Variants in TVP23B observed in about 807,000 individuals in gnomAD.
TVP23B encodes the protein trans-golgi network vesicle protein 23 homolog B, also known as Golgi apparatus membrane protein TVP23 homolog B.
TVP23B carries 10 observed loss-of-function variants against 30.6 expected under a neutral mutation model. The observed-to-expected ratio is 0.33, with a 90% CI of 0.20 to 0.55. The LOEUF is 0.55. TVP23B is among the 20% of genes least tolerant of loss of function. TVP23B has a pLI of 0.91. For missense variants in TVP23B, 153 were observed against 243.2 expected (o/e 0.63, Z 2.47); for synonymous variants, 67 against 83.1 (o/e 0.81, Z 1.06).
chr17:18,798,625 T>C (rs2036111337), intron 4 of TVP23B, among the ~76,000 whole-genome samples, 187 bp from the exon 5 acceptor site: 1 of 152,182 alleles, frequency 6.6e-6, no homozygotes, highest in Admixed American at 6.5e-5. Context: ...TGCAAAATTC[T>C]TGAGTTAATA....
intron 1 of TVP23B, 197 bp downstream of exon 1, chr17:18,781,502 C>G: frequency 2.0e-6 from 2 of 997,324 alleles, no homozygotes; most frequent in Non-Finnish European, 2.8e-6. Context: ...CGGCGTGACC[C>G]GTGCGGCGCA....
Position 18,797,598 on chromosome 17 carries a change from T to C in TVP23B, c.260T>C (p.Met87Thr). The C allele has an allele frequency of 1.2e-6, 2 of 1,610,070 alleles. No homozygotes were observed. The highest frequency in any genetic ancestry group is 1.1e-5 in the South Asian group (1 of 90,228). ...WAVKNVTGRL[M>T]VGLRWWNHID... ...CACCAGAATGTCACAGGTAGACTAATGGTTGGCCTACGTTGGTGGAATCAC... is the reference window on the plus strand; with the variant it reads ...CACCAGAATGTCACAGGTAGACTAACGGTTGGCCTACGTTGGTGGAATCAC... Residue 87 changes from methionine (M) to threonine (T), a missense_variant, in exon 4 of 7, where the codon ATG (methionine) becomes ACG (threonine). By Grantham distance (81) the Met-to-Thr change is moderately conservative. Coordinates refer to ENST00000307767, the MANE Select transcript of TVP23B (RefSeq NM_016078.6).
intron 3 of TVP23B, among the ~76,000 whole-genome samples, 155 bp downstream of exon 3, chr17:18,791,195 T>G (rs2035988688): frequency 2.1e-5 from 3 of 144,504 alleles, no homozygotes; most frequent in African/African-American, 7.7e-5. Context: ...TAGTTTTTTT[T>G]TTTTTTTTTT....
At chr17:18,781,628 C>G in intron 1 of TVP23B, 1 of 400,042 alleles carries the variant, frequency 2.5e-6, no homozygotes, top group Non-Finnish European at 4.5e-6. Context: ...GCCTGCGGGC[C>G]TCTTAGCTTC....
intron 5 of TVP23B, among the ~76,000 whole-genome samples, chr17:18,803,537 T>C (rs1268005870): frequency 6.6e-6 from 1 of 152,206 alleles, no homozygotes; most frequent in Non-Finnish European, 1.5e-5. Context: ...GGGATGACCA[T>C]AGGTGAGAAA....
chr17:18,789,472 C>G (rs781376677), intron 2 of TVP23B, 37 bp downstream of exon 2: 1 of 1,613,828 alleles, frequency 6.2e-7, no homozygotes. Flanking sequence ...GTGTTAGTGT[C>G]CAGTGCTGTT....
intron 3 of TVP23B, among the ~76,000 whole-genome samples, chr17:18,791,748 A>C (rs149009354): frequency 0.012 from 1,794 of 152,244 alleles, 28 homozygotes; most frequent in African/African-American, 0.04. Context: ...AAGTGTAAGA[A>C]ATGGTTTCAA....
rs770764810 is a variant in TVP23B, at chr17:18,798,934, A to G, written c.453A>G (p.Val151=). ...TTAGTGCACTCTTCTCCTTCAGAGT[A>G]AAGTGGTTGGTGAGTATCAGTGTAG... ...FAFSALFSFR[V]KWLAVVIMGV... is the part of the protein sequence containing the mutation. The change falls in exon 5 of 7, where the codon GTA becomes GTG. Residue 151 remains valine (V), a synonymous_variant. Coordinates refer to ENST00000307767, the MANE Select transcript of TVP23B (RefSeq NM_016078.6). The G allele has an allele frequency of 1.2e-6, 2 of 1,612,764 alleles. No individual in the cohort carries two copies. The highest frequency in any genetic ancestry group is 3.4e-5 in the Admixed American group (2 of 59,670).
intron 2 of TVP23B, among the ~76,000 whole-genome samples, chr17:18,790,448 A>G (rs1426960190): frequency 7.4e-6 from 1 of 134,720 alleles, no homozygotes; most frequent in African/African-American, 2.8e-5. Context: ...TGGGCGACGG[A>G]GCGAGACTCC....
At chr17:18,786,084 C>G (rs559045591) in intron 1 of TVP23B, among the ~76,000 whole-genome samples, 2 of 152,330 alleles carry the variant, frequency 1.3e-5, no homozygotes, top group African/African-American at 4.8e-5. Flanking sequence ...CTTCAAATCT[C>G]TGTCTCTCAT....
At chr17:18,782,039 A>G (rs1400533502) in intron 1 of TVP23B, 3 of 151,834 alleles carry the variant, frequency 2.0e-5, no homozygotes, top group African/African-American at 4.8e-5. Flanking sequence ...ATAACCAAAG[A>G]TATTTTCAGA....
intron 3 of TVP23B, among the ~76,000 whole-genome samples, chr17:18,791,650 C>A (rs2035996224): frequency 6.6e-6 from 1 of 151,606 alleles, no homozygotes; most frequent in Non-Finnish European, 1.5e-5. Context: ...TCCTAACACA[C>A]AGGACGGCCC....
intron 1 of TVP23B, among the ~76,000 whole-genome samples, chr17:18,786,002 C>G (rs2035899995): frequency 6.6e-6 from 1 of 152,086 alleles, no homozygotes; most frequent in Admixed American, 6.5e-5. Flanking sequence ...TCTGGAGAAT[C>G]AGTTTCCTTG....
At chr17:18,784,441 T>C (rs1384420685) in intron 1 of TVP23B, among the ~76,000 whole-genome samples, 1 of 152,082 alleles carries the variant, frequency 6.6e-6, no homozygotes, top group African/African-American at 2.4e-5. Flanking sequence ...GGTCAAGAGA[T>C]GGAGACCATC....
intron 5 of TVP23B, among the ~76,000 whole-genome samples, chr17:18,801,432 T>C (rs546797147): frequency 2.1e-4 from 32 of 152,230 alleles, no homozygotes; most frequent in South Asian, 6.2e-4. Flanking sequence ...TGCGGGTGAA[T>C]CCCCCTTGAC....
chr17:18,782,527 G>C (rs1319304516), intron 1 of TVP23B: 4 of 151,590 alleles, frequency 2.6e-5, no homozygotes, highest in Non-Finnish European at 5.9e-5. Flanking sequence ...AAAAGTCTTG[G>C]ATCAGGCAAG....
chr17:18,803,582 T>C (rs1254220187), intron 5 of TVP23B, among the ~76,000 whole-genome samples: 1 of 152,240 alleles, frequency 6.6e-6, no homozygotes, highest in Non-Finnish European at 1.5e-5. Flanking sequence ...TCTGCAAAAG[T>C]ACAGTTCCCC....
At chr17:18,785,663 C>T (rs561207911) in intron 1 of TVP23B, among the ~76,000 whole-genome samples, 7 of 151,966 alleles carry the variant, frequency 4.6e-5, no homozygotes, top group East Asian at 1.9e-4. Flanking sequence ...TGCTTGAGCC[C>T]GGGAGTTTGA....
At chr17:18,789,853 T>C (rs2035964795) in intron 2 of TVP23B, among the ~76,000 whole-genome samples, 1 of 152,246 alleles carries the variant, frequency 6.6e-6, no homozygotes. Flanking sequence ...GCTAAAATGC[T>C]GTCTTTTACT....
Sources: gnomAD v4.1 joint callset for allele counts (sites outside exome capture counted in the v4.1 genomes callset) on GRCh38, gnomAD v4.1.1 for gene constraint, MANE v1.5 for transcripts, NCBI Gene and HGNC (gene_info 2026-07-23, HGNC 2026-07-21) for gene names.